The following TAFA1 variants were observed in gnomAD, a reference collection of about 807,000 sequenced individuals.
TAFA1 encodes the protein chemokine-like protein TAFA-1.
Under a neutral mutation model 18.5 loss-of-function variants are expected in TAFA1, and 4 were observed. The observed-to-expected ratio is 0.22, with a 90% CI of 0.11 to 0.49. TAFA1 has a LOEUF of 0.49. Among genes scored for constraint, TAFA1 ranks in the 20% least tolerant of loss-of-function variants. The probability of loss-of-function intolerance (pLI) is 0.98; values close to 1 mark genes in which losing one functional copy is unlikely to be tolerated. For synonymous variants in TAFA1, 56 were observed against 55.2 expected, an observed-to-expected ratio of 1.01 and a Z score of -0.06; for missense variants, 147 against 169.0, an observed-to-expected ratio of 0.87 and a Z score of 0.72.
chr3:68,193,677 C>T (rs2066376113), intron 2 of TAFA1, among the ~76,000 whole-genome samples: 1 of 151,678 alleles, frequency 6.6e-6, no homozygotes, highest in South Asian at 2.1e-4. Context: ...TAGGAAAATA[C>T]AATTTTCTTA....
intron 2 of TAFA1, among the ~76,000 whole-genome samples, chr3:68,187,117 CCTGTTATTAT>C (rs2066280761): frequency 6.6e-6 from 1 of 151,908 alleles, no homozygotes; most frequent in South Asian, 2.1e-4. Context: ...ATTCATTTTA[CCTGTTATTAT>C]TTGGTGTGGA....
intron 3 of TAFA1, among the ~76,000 whole-genome samples, chr3:68,537,518 A>G (rs1559710604): frequency 6.6e-6 from 1 of 152,160 alleles, no homozygotes; most frequent in Admixed American, 6.5e-5. Flanking sequence ...GCCCTCAGAG[A>G]AAATAGCTGG....
intron 2 of TAFA1, among the ~76,000 whole-genome samples, chr3:68,281,757 C>T (rs2067901293): frequency 6.6e-6 from 1 of 152,046 alleles, no homozygotes; most frequent in Non-Finnish European, 1.5e-5. Flanking sequence ...CGCGCCTGGT[C>T]CCATGGGAAG....
chr3:68,270,844 T>TG lies in TAFA1; in HGVS notation c.119-146430dup, dbSNP rs1367612717. ...ATTTAAAGTTTATTAATGAAGCACC[T>TG]GGGGGGCATTTAGCATACATGAGCT... On this transcript the variant is annotated intron_variant, in intron 2 of 4. Coordinates refer to ENST00000478136, the MANE Select transcript of TAFA1 (RefSeq NM_213609.4). Among the ~76,000 whole-genome samples the TG allele has an allele frequency of 4.6e-5, 7 of 152,212 alleles. No individual in the cohort carries two copies. The East Asian group carries it at 1.2e-3, about 25-fold the overall frequency.
chr3:68,045,854 T>C (rs1406714058), intron 2 of TAFA1, among the ~76,000 whole-genome samples: 2 of 152,198 alleles, frequency 1.3e-5, no homozygotes, highest in Non-Finnish European at 2.9e-5. Context: ...GGAACATTCT[T>C]AGGCTGAGGA....
chr3:68,300,562 G>A (rs73099617), intron 2 of TAFA1, among the ~76,000 whole-genome samples: 12,763 of 152,082 alleles, frequency 0.084, 936 homozygotes, highest in East Asian at 0.36. Context: ...TTATACTTTG[G>A]GGGACTGTTA....
intron 3 of TAFA1, among the ~76,000 whole-genome samples, chr3:68,488,505 A>G (rs1019691910): frequency 5.9e-5 from 9 of 152,174 alleles, no homozygotes; most frequent in Non-Finnish European, 1.2e-4. Flanking sequence ...TAACCATCAC[A>G]GTGTACAAAA....
At chr3:68,535,499 G>T (rs2073263773) in intron 3 of TAFA1, among the ~76,000 whole-genome samples, 1 of 152,054 alleles carries the variant, frequency 6.6e-6, no homozygotes, top group African/African-American at 2.4e-5. Flanking sequence ...TATGAATACA[G>T]CTATTTAGAA....
intron 2 of TAFA1, among the ~76,000 whole-genome samples, chr3:68,382,750 A>C (rs1370214353): frequency 6.6e-6 from 1 of 152,148 alleles, no homozygotes; most frequent in Non-Finnish European, 1.5e-5. Context: ...GAAGAATGTC[A>C]TTGGTAGTTT....
intron 2 of TAFA1, among the ~76,000 whole-genome samples, chr3:68,236,163 T>C (rs767217707): frequency 1.3e-5 from 2 of 152,174 alleles, no homozygotes; most frequent in African/African-American, 2.4e-5. Flanking sequence ...AAAAGCCTCA[T>C]ATTCAAGTAG....
chr3:68,225,801 T>A (rs1183316117), intron 2 of TAFA1, among the ~76,000 whole-genome samples: 1 of 152,160 alleles, frequency 6.6e-6, no homozygotes, highest in Non-Finnish European at 1.5e-5. Context: ...CTTGAGCATG[T>A]TTTTTGAAGT....
chr3:68,541,983 C>A (rs1365414870), intron 4 of TAFA1, among the ~76,000 whole-genome samples: 4 of 151,990 alleles, frequency 2.6e-5, no homozygotes, highest in African/African-American at 9.7e-5. Flanking sequence ...ACCAGACACC[C>A]CAGAACGTCT....
intron 2 of TAFA1, among the ~76,000 whole-genome samples, chr3:68,085,296 C>G (rs2106785340): frequency 6.6e-6 from 1 of 152,318 alleles, no homozygotes. Context: ...TTCTCTCCAA[C>G]AGGACTTATC....
chr3:68,433,868 G>T (rs559391833), intron 3 of TAFA1, among the ~76,000 whole-genome samples: 1 of 152,194 alleles, frequency 6.6e-6, no homozygotes, highest in Non-Finnish European at 1.5e-5. Context: ...TACAGATTTG[G>T]TGGGCCATCT....
At chr3:68,529,439 A>AAC (rs2073156699) in intron 3 of TAFA1, among the ~76,000 whole-genome samples, 1 of 10,582 alleles carries the variant, frequency 9.5e-5, no homozygotes, top group African/African-American at 2.8e-4. Flanking sequence ...CATTCTCTAA[A>AAC]AAAAAAAAAA....
chr3:68,090,175 C>A (rs532151607), intron 2 of TAFA1, among the ~76,000 whole-genome samples: 20 of 152,254 alleles, frequency 1.3e-4, no homozygotes, highest in African/African-American at 4.8e-4. Context: ...TGGTTAATAA[C>A]CCAAGAGTCT....
intron 3 of TAFA1, among the ~76,000 whole-genome samples, chr3:68,491,673 T>C (rs1033048398): frequency 2.7e-5 from 4 of 147,868 alleles, no homozygotes; most frequent in African/African-American, 9.7e-5. Context: ...ACATGTACCC[T>C]AAAACTTAAA....
chr3:68,067,392 C>G (rs1381308913), intron 2 of TAFA1, among the ~76,000 whole-genome samples: 36 of 152,032 alleles, frequency 2.4e-4, no homozygotes, highest in Admixed American at 2.4e-3. Context: ...TTTATTACTT[C>G]CCCAATGACC....
intron 2 of TAFA1, among the ~76,000 whole-genome samples, chr3:68,236,639 C>T (rs2066930945): frequency 6.6e-6 from 1 of 152,198 alleles, no homozygotes; most frequent in African/African-American, 2.4e-5. Context: ...ATTCCAATTG[C>T]AGTCTTTCAT....
Sources: allele counts gnomAD v4.1 joint callset (sites outside exome capture counted in the v4.1 genomes callset), GRCh38; gene constraint gnomAD v4.1.1; transcripts MANE v1.5; gene names NCBI Gene and HGNC (gene_info 2026-07-23, HGNC 2026-07-21).